AZIN2: variants seen among roughly 807,000 people sequenced by gnomAD.
AZIN2 encodes the protein antizyme inhibitor 2.
Under a neutral mutation model 47.8 loss-of-function variants are expected in AZIN2, and 28 were observed. The ratio of observed to expected loss-of-function variants is 0.59; its 90% confidence interval spans 0.43 to 0.80. The LOEUF (loss-of-function observed/expected upper bound fraction) is 0.80. Ranked by LOEUF, AZIN2 falls within the 30% of genes least tolerant of loss-of-function variation. The pLI is 0.00. For missense variants in AZIN2, 535 were observed against 582.5 expected (o/e 0.92, Z 0.84); for synonymous variants, 221 against 239.4 (o/e 0.92, Z 0.71).
the AZIN2 span, among the ~76,000 whole-genome samples, chr1:33,136,259 TTCTTTCTC>T: frequency 6.6e-6 from 1 of 151,140 alleles, no homozygotes; most frequent in Admixed American, 6.6e-5. Flanking sequence ...CTCTTTCTTT[TTCTTTCTC>T]TCTTTCTTTC....
At chr1:33,157,976 C>T in the AZIN2 span, among the ~76,000 whole-genome samples, 36 of 152,174 alleles carry the variant, frequency 2.4e-4, no homozygotes, top group East Asian at 7.0e-3. Context: ...AGGCTGGTCT[C>T]GAACTCCTGA....
At chr1:33,131,575 T>C in the AZIN2 span, among the ~76,000 whole-genome samples, 1 of 152,210 alleles carries the variant, frequency 6.6e-6, no homozygotes, top group South Asian at 2.1e-4. Context: ...AAATATTGAA[T>C]ATTGATTTTA....
chr1:33,131,891 A>G, the AZIN2 span, among the ~76,000 whole-genome samples: 1 of 151,276 alleles, frequency 6.6e-6, no homozygotes, highest in Non-Finnish European at 1.5e-5. Flanking sequence ...TTTTTTTTTC[A>G]TTGAAAGTAA....
At chr1:33,138,630 A>G in the AZIN2 span, among the ~76,000 whole-genome samples, 2 of 144,788 alleles carry the variant, frequency 1.4e-5, no homozygotes, top group Non-Finnish European at 3.1e-5. Context: ...CAACAACAAA[A>G]AAAAAAAAAA....
the AZIN2 span, chr1:33,158,181 T>G: frequency 7.1e-7 from 1 of 1,413,728 alleles, no homozygotes; most frequent in Non-Finnish European, 1.0e-6. Flanking sequence ...CCATGCTGTG[T>G]TTAGGACAGG....
At chr1:33,111,416 G>A (rs780423652) in intron 10 of AZIN2, among the ~76,000 whole-genome samples, 18 of 152,112 alleles carry the variant, frequency 1.2e-4, no homozygotes, top group Non-Finnish European at 2.2e-4. Flanking sequence ...ACGTTGAGAT[G>A]TTAAAATGTA....
rs1644779810 is a variant in AZIN2, at chr1:33,120,883, G to A, written c.*701G>A. On this transcript the variant is annotated 3_prime_UTR_variant, in exon 12 of 12. Coordinates refer to ENST00000294517, the MANE Select transcript of AZIN2 (RefSeq NM_052998.4). ...TGGAAATTCATACTGAAGATACAGA[G>A]CCAAGAAATGGGTGTGTGGGAGGTT... Among the ~76,000 whole-genome samples, 1 of 152,256 alleles carries A rather than the reference G, an allele frequency of 6.6e-6. No homozygotes were observed.
At chr1:33,141,021 C>T in the AZIN2 span, among the ~76,000 whole-genome samples, 1 of 152,142 alleles carries the variant, frequency 6.6e-6, no homozygotes, top group African/African-American at 2.4e-5. Context: ...CTGCAGGCTG[C>T]TGTCTTTGCA....
At chr1:33,158,599 T>C in the AZIN2 span, among the ~76,000 whole-genome samples, 2 of 152,256 alleles carry the variant, frequency 1.3e-5, no homozygotes, top group African/African-American at 2.4e-5. Flanking sequence ...TCTAGGCTTT[T>C]TGTGAGAATT....
chr1:33,097,379 C>T (rs1643267874), intron 9 of AZIN2, among the ~76,000 whole-genome samples: 1 of 152,164 alleles, frequency 6.6e-6, no homozygotes, highest in Non-Finnish European at 1.5e-5. Context: ...TGATAAGGGG[C>T]AGTGTGGGGA....
the AZIN2 span, among the ~76,000 whole-genome samples, chr1:33,135,536 G>T: frequency 1.3e-5 from 2 of 152,132 alleles, no homozygotes; most frequent in Non-Finnish European, 2.9e-5. Flanking sequence ...CTTCTCTGTT[G>T]CCCTCAGGAT....
chr1:33,096,365 A>G (rs1262832798), intron 8 of AZIN2, among the ~76,000 whole-genome samples: 2 of 152,264 alleles, frequency 1.3e-5, no homozygotes, highest in East Asian at 1.9e-4. Flanking sequence ...GTGTTGTTTA[A>G]GGGTCAACTG....
the AZIN2 span, chr1:33,147,576 A>G: frequency 5.6e-6 from 9 of 1,613,692 alleles, no homozygotes; most frequent in African/African-American, 1.1e-4. The surrounding 1 kb of genome is among the most constrained non-coding windows in gnomAD (Gnocchi z 8.1). Flanking sequence ...TGAAGGCTTC[A>G]GAACCCAGCA....
At chr1:33,147,093 C>T in the AZIN2 span, 14 of 1,496,754 alleles carry the variant, frequency 9.4e-6, no homozygotes, top group Non-Finnish European at 1.3e-5. The surrounding 1 kb of genome is among the most constrained non-coding windows in gnomAD (Gnocchi z 8.1). Context: ...CCACGGTGGG[C>T]TGGAGTCCAG....
At chr1:33,105,079 C>T (rs1643931425) in intron 10 of AZIN2, among the ~76,000 whole-genome samples, 1 of 152,112 alleles carries the variant, frequency 6.6e-6, no homozygotes, top group Non-Finnish European at 1.5e-5. Flanking sequence ...TTTAGCTGCT[C>T]TGATATTAAA....
chr1:33,105,563 G>A (rs1204491020), intron 10 of AZIN2, among the ~76,000 whole-genome samples: 1 of 152,068 alleles, frequency 6.6e-6, no homozygotes, highest in Non-Finnish European at 1.5e-5. Context: ...GTGTGAAGGG[G>A]GAACTTCCAA....
At chr1:33,159,134 C>T in the AZIN2 span, among the ~76,000 whole-genome samples, 2 of 151,946 alleles carry the variant, frequency 1.3e-5, no homozygotes, top group East Asian at 1.9e-4. The surrounding 1 kb of genome is among the most constrained non-coding windows in gnomAD (Gnocchi z 4.2). Context: ...TGTGAGCCAC[C>T]GTGCCCAGCA....
At chr1:33,139,398 C>T in the AZIN2 span, among the ~76,000 whole-genome samples, 1 of 152,182 alleles carries the variant, frequency 6.6e-6, no homozygotes, top group Admixed American at 6.5e-5. Context: ...GACAGGATCC[C>T]CATCTTGAGA....
In AZIN2 at chr1:33,122,506, T is replaced by A. The variant is rs1644814146; in HGVS notation, c.*2324T>A. 6.6e-6 allele frequency among the ~76,000 whole-genome samples: 1 copy of A among 152,234 alleles called. No individual in the cohort carries two copies. The highest frequency in any genetic ancestry group is 2.4e-5 in the African/African-American group (1 of 41,458). ...GTTTTTGTTTCTTATTTCAATCTTT[T>A]TCTAAAGAGAAGAAAAAAGCCTGAA... On this transcript the variant is annotated 3_prime_UTR_variant, in exon 12 of 12. Coordinates refer to ENST00000294517, the MANE Select transcript of AZIN2 (RefSeq NM_052998.4).
Sources: gnomAD v4.1 joint callset for allele counts (sites outside exome capture counted in the v4.1 genomes callset) on GRCh38, gnomAD v4.1.1 for gene constraint, Gnocchi (gnomAD v3.1) non-coding constraint, MANE v1.5 for transcripts, NCBI Gene and HGNC (gene_info 2026-07-23, HGNC 2026-07-21) for gene names.